SPI1: variants seen among roughly 807,000 people sequenced by gnomAD.
SPI1 encodes Spi-1 proto-oncogene.
Under a neutral mutation model 30.7 loss-of-function variants are expected in SPI1, and 3 were observed. The observed-to-expected ratio is 0.10, with a 90% CI of 0.04 to 0.25. SPI1 has a LOEUF of 0.25. Among genes scored for constraint, SPI1 ranks in the 10% least tolerant of loss-of-function variants. The pLI is 1.00. For missense variants in SPI1, 261 were observed against 371.5 expected, an observed-to-expected ratio of 0.70 and a Z score of 2.45; for synonymous variants, 169 against 157.1, an observed-to-expected ratio of 1.08 and a Z score of -0.56.
intron 2 of SPI1, among the ~76,000 whole-genome samples, chr11:47,369,840 C>T (rs2095933310): frequency 6.6e-6 from 1 of 152,238 alleles, no homozygotes; most frequent in African/African-American, 2.4e-5. Flanking sequence ...ACCTCCCACA[C>T]ACCCTTTCTT....
intron 4 of SPI1, 41 bp from the exon 5 acceptor site, chr11:47,355,587 A>T: frequency 6.6e-7 from 1 of 1,506,316 alleles, no homozygotes; most frequent in Non-Finnish European, 8.9e-7. Context: ...CCCGGGGCCC[A>T]CATGGGAGCC....
At chr11:47,358,503 C>T in intron 4 of SPI1, 1 of 660,360 alleles carries the variant, frequency 1.5e-6, no homozygotes, top group Admixed American at 2.1e-5. Context: ...TTCTCACACA[C>T]CCACTCACAC....
chr11:47,369,821 A>G (rs1252564861), intron 2 of SPI1, among the ~76,000 whole-genome samples: 1 of 152,244 alleles, frequency 6.6e-6, no homozygotes, highest in Non-Finnish European at 1.5e-5. Context: ...CCACCACAAC[A>G]AAAACCTCAC....
intron 4 of SPI1, chr11:47,358,282 A>C (rs962167353): frequency 2.1e-6 from 1 of 480,742 alleles, no homozygotes; most frequent in Non-Finnish European, 3.8e-6. Flanking sequence ...TCACACCCCC[A>C]CTCACACATA....
intron 2 of SPI1, among the ~76,000 whole-genome samples, chr11:47,373,916 C>A (rs2095939120): frequency 6.6e-6 from 1 of 152,228 alleles, no homozygotes; most frequent in Non-Finnish European, 1.5e-5. Context: ...CCCAGGCTCA[C>A]TGGTTTCCAG....
intron 4 of SPI1, among the ~76,000 whole-genome samples, chr11:47,356,793 C>T (rs187713576): frequency 6.6e-6 from 1 of 150,812 alleles, no homozygotes; most frequent in African/African-American, 2.4e-5. Flanking sequence ...ACCTCACACA[C>T]ACTTGCACGC....
At chr11:47,361,686 C>T (rs1021587240) in intron 2 of SPI1, among the ~76,000 whole-genome samples, 1 of 152,200 alleles carries the variant, frequency 6.6e-6, no homozygotes, top group Non-Finnish European at 1.5e-5. Flanking sequence ...GCCATGCGTG[C>T]GTGTGTACGT....
chr11:47,355,317 G>A lies in SPI1; in HGVS notation c.723C>T (p.Val241=). 6.2e-7 allele frequency: 1 copy of A among 1,611,420 alleles called. No individual in the cohort carries two copies. Among genetic ancestry groups the A allele is most frequent in the African/African-American group, 1.3e-5 (1 of 74,944 alleles). Residue 241 remains valine, a synonymous_variant, in exon 5 of 5, where the codon GTC becomes GTT. Transcript: ENST00000378538. ...AGGTGAGCTTCTTCTTCACCTTCTT[G>A]ACCTCGCCCGTCTTGCCGTAGTTGC... The part of the protein sequence containing the change: ...ALRNYGKTGE[V]KKVKKKLTYQ...
rs767099916 is a variant in SPI1 at position 47,358,896 on chromosome 11, G to A, written c.441C>T (p.Asp147=). Residue 147 remains aspartate, a synonymous_variant, in exon 4 of 5, where the codon GAC becomes GAT. Coordinates refer to ENST00000378538, the MANE Select transcript of SPI1 (RefSeq NM_003120.3). ...CGGGCTCCAGGCCATCCGCCTCGCC[G>A]TCAGACACCTCCAGTGGGGGGCTCT... The part of the protein sequence containing the change: ...ERQSPPLEVS[D]GEADGLEPGP... 1.9e-5 allele frequency: 30 copies of A among 1,563,738 alleles called. No homozygotes were observed. Among genetic ancestry groups the A allele is most frequent in the Middle Eastern group, 1.7e-4 (1 of 5,802 alleles).
intron 2 of SPI1, among the ~76,000 whole-genome samples, chr11:47,372,897 G>C (rs917100179): frequency 6.6e-6 from 1 of 152,202 alleles, no homozygotes; most frequent in Non-Finnish European, 1.5e-5. Context: ...CTTGCCCCAA[G>C]TTTTCACAGC....
At chr11:47,369,126 C>T (rs1025583238) in intron 2 of SPI1, among the ~76,000 whole-genome samples, 1 of 152,214 alleles carries the variant, frequency 6.6e-6, no homozygotes, top group Non-Finnish European at 1.5e-5. Flanking sequence ...GTGGCGCATG[C>T]CTGTAATCCC....
At chr11:47,361,201 T>C (rs1195337643) in intron 2 of SPI1, among the ~76,000 whole-genome samples, 1 of 152,176 alleles carries the variant, frequency 6.6e-6, no homozygotes, top group Non-Finnish European at 1.5e-5. Flanking sequence ...AGTCTCTCTC[T>C]CTGTCTCACA....
intron 4 of SPI1, 151 bp from the exon 5 acceptor site, chr11:47,355,697 C>G: frequency 1.6e-6 from 1 of 622,616 alleles, no homozygotes; most frequent in Non-Finnish European, 2.7e-6. Flanking sequence ...GCATACACAA[C>G]GCACCCACAC....
At chr11:47,356,840 C>G (rs1455348629) in intron 4 of SPI1, among the ~76,000 whole-genome samples, 1 of 148,906 alleles carries the variant, frequency 6.7e-6, no homozygotes, top group Non-Finnish European at 1.5e-5. Flanking sequence ...TTACTCAGCC[C>G]CACACGCACA....
chr11:47,359,595 G>A lies in SPI1; in HGVS notation c.330+258C>T, dbSNP rs142615548. Among the ~76,000 whole-genome samples, 180 of 152,220 alleles carry A rather than the reference G, an allele frequency of 1.2e-3. 4 individuals carry two copies. The highest frequency in any genetic ancestry group is 3.8e-3 in the African/African-American group (159 of 41,518). On this transcript the variant is annotated intron_variant, in intron 3 of 4. Transcript: ENST00000378538. This position sits in a 1 kb window ranked among gnomAD's most constrained non-coding sequence, Gnocchi z 5.1. ...GGCCCAGGAGGGCCCACAACAAGGC[G>A]TTGGGATGGGGAGGCTTGGTGAGGG...
chr11:47,357,292 TCACTC>T (rs2095912564), intron 4 of SPI1, among the ~76,000 whole-genome samples: 1 of 151,624 alleles, frequency 6.6e-6, no homozygotes, highest in Non-Finnish European at 1.5e-5. Context: ...TGCTCACTTA[TCACTC>T]ACACGCTCAC....
chr11:47,356,991 T>A (rs2095911431), intron 4 of SPI1, among the ~76,000 whole-genome samples: 1 of 146,858 alleles, frequency 6.8e-6, no homozygotes, highest in Non-Finnish European at 1.5e-5. Context: ...CATGCTCACC[T>A]ATCCATACAC....
chr11:47,360,136 G>A (rs561693629), intron 2 of SPI1, 96 bp from the exon 3 acceptor site: 205 of 1,099,860 alleles, frequency 1.9e-4, no homozygotes, highest in Non-Finnish European at 2.4e-4. Context: ...AGGCCATATG[G>A]GGCCTAACCA....
At chr11:47,366,587 G>T (rs1309416351) in intron 2 of SPI1, among the ~76,000 whole-genome samples, 1 of 152,134 alleles carries the variant, frequency 6.6e-6, no homozygotes, top group Non-Finnish European at 1.5e-5. Flanking sequence ...AGAGGTCGAG[G>T]CAGGTGGATC....
Sources: allele counts gnomAD v4.1 joint callset (sites outside exome capture counted in the v4.1 genomes callset), GRCh38; gene constraint gnomAD v4.1.1; non-coding constraint Gnocchi (gnomAD v3.1); transcripts MANE v1.5; gene names NCBI Gene and HGNC (gene_info 2026-07-23, HGNC 2026-07-21).